Variants in DOCK3 observed in about 807,000 individuals in gnomAD.
The protein encoded by DOCK3 is dedicator of cytokinesis 3, also known as dedicator of cytokinesis protein 3.
Under a neutral mutation model 265.6 loss-of-function variants are expected in DOCK3, and 60 were observed. That is an observed-to-expected ratio of 0.23 (90% CI 0.18 to 0.28). The LOEUF (loss-of-function observed/expected upper bound fraction) is 0.28, where lower values mean the gene tolerates loss of function less well. DOCK3 is among the 10% of genes least tolerant of loss of function. DOCK3 has a pLI of 1.00. For synonymous variants in DOCK3, 881 were observed against 938.0 expected (o/e 0.94, Z 1.11); for missense variants, 1,981 against 2,594.3 (o/e 0.76, Z 5.14).
At chr3:51,365,786 C>T (rs559707079) in intron 49 of DOCK3, among the ~76,000 whole-genome samples, 2 of 152,140 alleles carry the variant, frequency 1.3e-5, no homozygotes, top group Non-Finnish European at 2.9e-5. Flanking sequence ...TGATGGATTA[C>T]GTTTATTGAT....
intron 5 of DOCK3, among the ~76,000 whole-genome samples, chr3:51,046,983 C>G (rs2080801692): frequency 6.6e-6 from 1 of 151,886 alleles, no homozygotes; most frequent in Non-Finnish European, 1.5e-5. Context: ...GAAAGTTTCT[C>G]AAGGCAAATG....
chr3:51,236,512 G>A, intron 20 of DOCK3, 84 bp downstream of exon 20: 1 of 1,217,836 alleles, frequency 8.2e-7, no homozygotes. Context: ...ATTTATTAGA[G>A]TGAATCAGCA....
At chr3:51,108,004 A>G (rs1479277275) in intron 9 of DOCK3, among the ~76,000 whole-genome samples, 1 of 152,100 alleles carries the variant, frequency 6.6e-6, no homozygotes, top group East Asian at 1.9e-4. Flanking sequence ...CAGAAACCCT[A>G]CAAGCCAGAA....
intron 5 of DOCK3, among the ~76,000 whole-genome samples, chr3:50,947,083 T>G (rs936909176): frequency 6.6e-6 from 1 of 152,116 alleles, no homozygotes; most frequent in Non-Finnish European, 1.5e-5. Flanking sequence ...CATTAAATGA[T>G]TGATTCCCAC....
At chr3:50,737,327 CA>C (rs2038702557) in intron 1 of DOCK3, among the ~76,000 whole-genome samples, 1 of 152,146 alleles carries the variant, frequency 6.6e-6, no homozygotes, top group Non-Finnish European at 1.5e-5. Context: ...AGGACCAAGA[CA>C]GGGGGTGGGG....
intron 4 of DOCK3, among the ~76,000 whole-genome samples, chr3:50,911,099 T>C (rs566313759): frequency 6.6e-6 from 1 of 152,218 alleles, no homozygotes; most frequent in African/African-American, 2.4e-5. Context: ...ATTTCCCCCT[T>C]TCTATAGGTT....
At chr3:51,370,671 T>C (rs1466923784) in intron 49 of DOCK3, among the ~76,000 whole-genome samples, 3 of 152,262 alleles carry the variant, frequency 2.0e-5, no homozygotes, top group African/African-American at 7.2e-5. Context: ...AATTATCTTC[T>C]TGTCTGGAAA....
intron 12 of DOCK3, among the ~76,000 whole-genome samples, chr3:51,184,232 A>G (rs1352148752): frequency 1.3e-5 from 2 of 151,768 alleles, no homozygotes; most frequent in Admixed American, 1.3e-4. Flanking sequence ...AATCGCTTGT[A>G]CCTGGGAGGC....
At chr3:51,140,157 C>G (rs1285794144) in intron 9 of DOCK3, among the ~76,000 whole-genome samples, 1 of 152,134 alleles carries the variant, frequency 6.6e-6, no homozygotes, top group African/African-American at 2.4e-5. Context: ...AGTTCAGTGG[C>G]TTTTATTATG....
At chr3:50,950,814 A>G (rs185129889) in intron 5 of DOCK3, among the ~76,000 whole-genome samples, 74 of 152,220 alleles carry the variant, frequency 4.9e-4, no homozygotes, top group Non-Finnish European at 8.1e-4. Flanking sequence ...CCTTATTGCA[A>G]TGTTACAGTT....
At chr3:51,194,034 C>T (rs1486849443) in intron 12 of DOCK3, among the ~76,000 whole-genome samples, 1 of 151,920 alleles carries the variant, frequency 6.6e-6, no homozygotes, top group Non-Finnish European at 1.5e-5. Context: ...TTTATGTAGG[C>T]ATTTATTACT....
chr3:51,199,175 A>G (rs2088529540), intron 12 of DOCK3, among the ~76,000 whole-genome samples: 1 of 152,220 alleles, frequency 6.6e-6, no homozygotes, highest in East Asian at 1.9e-4. Flanking sequence ...AGGGAGTGCC[A>G]GACAATGGGC....
At chr3:51,010,353 A>T (rs2078892935) in intron 5 of DOCK3, among the ~76,000 whole-genome samples, 3 of 152,042 alleles carry the variant, frequency 2.0e-5, no homozygotes, top group Admixed American at 6.5e-5. Context: ...TGGTGAATTG[A>T]TCCCTTTACC....
chr3:51,059,193 T>A (rs2081312291), intron 5 of DOCK3, among the ~76,000 whole-genome samples: 1 of 152,176 alleles, frequency 6.6e-6, no homozygotes, highest in African/African-American at 2.4e-5. Context: ...TGTTTTTCTG[T>A]TTCTGCATTA....
At chr3:51,244,780 G>C (rs1011262315) in intron 21 of DOCK3, among the ~76,000 whole-genome samples, 1 of 152,104 alleles carries the variant, frequency 6.6e-6, no homozygotes, top group South Asian at 2.1e-4. Flanking sequence ...AATGCTTTCA[G>C]TCTTTTACCA....
chr3:50,819,530 C>G (rs2044282751), intron 2 of DOCK3, among the ~76,000 whole-genome samples: 1 of 152,040 alleles, frequency 6.6e-6, no homozygotes, highest in Non-Finnish European at 1.5e-5. Context: ...CACCTTAATC[C>G]GAAAGAAGCC....
chr3:51,279,084 T>G (rs1019635668), intron 26 of DOCK3, among the ~76,000 whole-genome samples: 4 of 151,652 alleles, frequency 2.6e-5, no homozygotes, highest in Admixed American at 6.6e-5. Context: ...CCCTGTCTAC[T>G]AAAAATACAA....
At chr3:50,746,591 G>A (rs116649564) in intron 1 of DOCK3, among the ~76,000 whole-genome samples, 1 of 152,190 alleles carries the variant, frequency 6.6e-6, no homozygotes, top group African/African-American at 2.4e-5. Flanking sequence ...GAAATCTGAG[G>A]CTGGGTAATT....
At chr3:50,959,304 A>G (rs1165750778) in intron 5 of DOCK3, among the ~76,000 whole-genome samples, 2 of 152,138 alleles carry the variant, frequency 1.3e-5, no homozygotes, top group African/African-American at 4.8e-5. Flanking sequence ...GCAAATGAAC[A>G]TACTTTATCA....
Sources: allele counts gnomAD v4.1 joint callset (sites outside exome capture counted in the v4.1 genomes callset), GRCh38; gene constraint gnomAD v4.1.1; transcripts MANE v1.5; gene names NCBI Gene and HGNC (gene_info 2026-07-23, HGNC 2026-07-21).